The following VPS13B variants were observed in gnomAD, a reference collection of about 807,000 sequenced individuals.
VPS13B encodes vacuolar protein sorting 13 homolog B, also known as intermembrane lipid transfer protein VPS13B.
In VPS13B, 285 loss-of-function variants were observed where a neutral mutation model predicts 426.4. The ratio of observed to expected loss-of-function variants is 0.67; its 90% CI spans 0.61 to 0.74. The LOEUF (loss-of-function observed/expected upper bound fraction) is 0.74. Ranked by LOEUF, VPS13B falls within the 30% of genes least tolerant of loss-of-function variation. The pLI is 0.00. For synonymous variants in VPS13B, 1,676 were observed against 1,676.4 expected (o/e 1.00, Z 0.01); for missense variants, 4,537 against 4,782.6 (o/e 0.95, Z 1.51).
chr8:99,106,657 T>C (rs998889234), intron 5 of VPS13B, among the ~76,000 whole-genome samples: 1 of 152,158 alleles, frequency 6.6e-6, no homozygotes, highest in East Asian at 1.9e-4. Flanking sequence ...TAGTAGGGTT[T>C]GGACTCTTTT....
chr8:99,466,316 C>T (rs956253819), intron 23 of VPS13B, among the ~76,000 whole-genome samples: 6 of 151,896 alleles, frequency 4.0e-5, no homozygotes, highest in African/African-American at 1.2e-4. Context: ...CATCTATTAC[C>T]TCTCTAATTA....
At chr8:99,630,022 A>G (rs762192496) in intron 33 of VPS13B, among the ~76,000 whole-genome samples, 4 of 152,176 alleles carry the variant, frequency 2.6e-5, no homozygotes, top group Non-Finnish European at 5.9e-5. Context: ...AACGTGCATA[A>G]GAATTACTGG....
At chr8:99,319,277 G>GT (rs1043931119) in intron 19 of VPS13B, among the ~76,000 whole-genome samples, 4 of 152,188 alleles carry the variant, frequency 2.6e-5, no homozygotes, top group African/African-American at 9.7e-5. Context: ...TGAAATAGCC[G>GT]TGAGTGATGT....
chr8:99,295,249 A>G (rs1041471841), intron 19 of VPS13B, among the ~76,000 whole-genome samples: 2 of 152,178 alleles, frequency 1.3e-5, no homozygotes, highest in Admixed American at 1.3e-4. Flanking sequence ...TTATATAATA[A>G]CTTTATATAC....
intron 32 of VPS13B, 70 bp downstream of exon 32, chr8:99,575,854 G>A: frequency 6.6e-7 from 1 of 1,521,558 alleles, no homozygotes; most frequent in African/African-American, 1.4e-5. Context: ...GTTAGGGATT[G>A]CCACAGTTTC....
At chr8:99,418,346 A>G (rs1408441085) in intron 21 of VPS13B, among the ~76,000 whole-genome samples, 1 of 152,028 alleles carries the variant, frequency 6.6e-6, no homozygotes. Flanking sequence ...CATATTATTT[A>G]TCTAATAAAA....
chr8:99,322,074 C>T (rs962626613), intron 19 of VPS13B, among the ~76,000 whole-genome samples: 124 of 152,260 alleles, frequency 8.1e-4, no homozygotes, highest in African/African-American at 2.8e-3. Context: ...TGGCCAAAGA[C>T]CACGTGTTCC....
intron 17 of VPS13B, among the ~76,000 whole-genome samples, chr8:99,265,832 A>G (rs1371214615): frequency 6.6e-6 from 1 of 152,176 alleles, no homozygotes; most frequent in Non-Finnish European, 1.5e-5. Flanking sequence ...CTGTTCTACT[A>G]AGGCTACTCA....
intron 15 of VPS13B, among the ~76,000 whole-genome samples, chr8:99,156,991 T>C (rs895262751): frequency 6.6e-6 from 1 of 152,220 alleles, no homozygotes; most frequent in African/African-American, 2.4e-5. Flanking sequence ...ATCATAACTT[T>C]TGAATAATTT....
intron 61 of VPS13B, among the ~76,000 whole-genome samples, chr8:99,872,497 C>G (rs1237825089): frequency 2.6e-5 from 4 of 152,196 alleles, no homozygotes; most frequent in African/African-American, 7.2e-5. Flanking sequence ...TACTGGGTGT[C>G]AAGAGTCAAG....
chr8:99,450,006 T>C (rs1014655797), intron 23 of VPS13B, among the ~76,000 whole-genome samples: 3 of 152,106 alleles, frequency 2.0e-5, no homozygotes, highest in African/African-American at 7.2e-5. Context: ...GGTTTCATCA[T>C]GTTGGCCAGG....
intron 33 of VPS13B, among the ~76,000 whole-genome samples, chr8:99,622,012 A>G (rs1190674829): frequency 6.6e-6 from 1 of 150,990 alleles, no homozygotes; most frequent in African/African-American, 2.4e-5. Context: ...TTGTATTTTT[A>G]GTAGAGACGG....
In VPS13B at chr8:99,116,235, T is replaced by A. The variant is rs112061718; in HGVS notation, c.937+361T>A. Among the ~76,000 whole-genome samples the A allele has an allele frequency of 6.0e-3, 912 of 151,838 alleles. 5 individuals carry two copies. The highest frequency in any genetic ancestry group is 0.024 in the Middle Eastern group (7 of 294). On this transcript the variant is annotated intron_variant, in intron 7 of 61. Transcript: ENST00000357162. ...TTTTAGTAGAGATGGGTTTTCACCA[T>A]GTTGGCCAGGCTGGTCTCAAACTCC... is the stretch of plus-strand genomic sequence containing the variant.
At chr8:99,350,095 G>A (rs1811794132) in intron 19 of VPS13B, among the ~76,000 whole-genome samples, 1 of 152,134 alleles carries the variant, frequency 6.6e-6, no homozygotes, top group South Asian at 2.1e-4. Context: ...TGAAGTTTGA[G>A]ATTAGATATG....
intron 3 of VPS13B, among the ~76,000 whole-genome samples, chr8:99,048,221 A>G (rs924976606): frequency 2.6e-5 from 4 of 152,172 alleles, no homozygotes; most frequent in African/African-American, 9.7e-5. Context: ...AGTGCTTGAT[A>G]TAATTTCAAT....
Position 99,828,891 on chromosome 8 carries a change from GA to G in VPS13B, c.9331-3475del, listed in dbSNP as rs772873712. On this transcript the variant is annotated intron_variant, in intron 51 of 61. Transcript: ENST00000357162. ...TTGGCTGGATATGAAATTCTGGATTGAAACATTTTCTTTGAGAATGTTGAAT... is the reference window on the plus strand; with the variant it reads ...TTGGCTGGATATGAAATTCTGGATTGAACATTTTCTTTGAGAATGTTGAAT... 5.3e-5 allele frequency among the ~76,000 whole-genome samples: 8 copies of G among 152,226 alleles called. No individual in the cohort carries two copies. The East Asian group carries it at 9.7e-4, about 18-fold the overall frequency.
chr8:99,835,369 T>G (rs1356693439), intron 53 of VPS13B, 45 bp downstream of exon 53: 2 of 1,587,524 alleles, frequency 1.3e-6, no homozygotes, highest in Non-Finnish European at 1.7e-6. Context: ...AATGTGTATT[T>G]TTTCTGGGAT....
intron 17 of VPS13B, among the ~76,000 whole-genome samples, chr8:99,251,815 T>C (rs990902572): frequency 2.6e-5 from 4 of 152,044 alleles, no homozygotes; most frequent in Admixed American, 2.0e-4. Context: ...GGGTTCATTT[T>C]TCTTCCCCTT....
chr8:99,515,237 A>G (rs1821995265), intron 29 of VPS13B, among the ~76,000 whole-genome samples: 1 of 152,208 alleles, frequency 6.6e-6, no homozygotes, highest in Non-Finnish European at 1.5e-5. Flanking sequence ...TTATTGTGTT[A>G]TAAACATTAA....
Sources: gnomAD v4.1 joint callset for allele counts (sites outside exome capture counted in the v4.1 genomes callset) on GRCh38, gnomAD v4.1.1 for gene constraint, MANE v1.5 for transcripts, NCBI Gene and HGNC (gene_info 2026-07-23, HGNC 2026-07-21) for gene names.